The following CDYL variants were observed in gnomAD, a reference collection of about 807,000 sequenced individuals.
The protein encoded by CDYL is chromodomain Y like.
Under a neutral mutation model 47.3 loss-of-function variants are expected in CDYL, and 8 were observed. That is an observed-to-expected ratio of 0.17 (90% confidence interval 0.10 to 0.31). The LOEUF (loss-of-function observed/expected upper bound fraction) is 0.31, where lower values mean the gene tolerates loss of function less well. Ranked by LOEUF, CDYL falls within the 10% of genes least tolerant of loss-of-function variation. CDYL has a pLI of 1.00. For missense variants in CDYL, 471 were observed against 701.4 expected, an observed-to-expected ratio of 0.67 and a Z score of 3.71; for synonymous variants, 266 against 265.0, an observed-to-expected ratio of 1.00 and a Z score of -0.04.
intron 5 of CDYL, 41 bp downstream of exon 5, chr6:4,943,797 G>A (rs2127525003): frequency 1.9e-5 from 26 of 1,345,980 alleles, no homozygotes; most frequent in Non-Finnish European, 2.6e-5. Context: ...AGTCATTCTA[G>A]AAAGCTTCCT....
chr6:4,839,612 G>A (rs999316198), intron 1 of CDYL, among the ~76,000 whole-genome samples: 3 of 152,150 alleles, frequency 2.0e-5, no homozygotes, highest in African/African-American at 7.2e-5. Flanking sequence ...GAGAGATGAG[G>A]ATCCAGTTTC....
intron 3 of CDYL, among the ~76,000 whole-genome samples, chr6:4,745,540 G>A (rs1488715533): frequency 2.6e-5 from 4 of 151,710 alleles, no homozygotes; most frequent in South Asian, 4.2e-4. Context: ...TCAGGAATTC[G>A]AGACCAGCCT....
chr6:4,759,258 C>T (rs1262720879), intron 3 of CDYL, among the ~76,000 whole-genome samples: 7 of 152,058 alleles, frequency 4.6e-5, no homozygotes, highest in Non-Finnish European at 8.8e-5. Context: ...CGTGAGCCAC[C>T]GCGCCCGGCC....
At chr6:4,728,348 C>T (rs1757550402) in intron 2 of CDYL, among the ~76,000 whole-genome samples, 1 of 152,214 alleles carries the variant, frequency 6.6e-6, no homozygotes, top group Non-Finnish European at 1.5e-5. Flanking sequence ...CATTCCCAAG[C>T]CTCTATCCCC....
rs376044825 is a variant in CDYL, at chr6:4,717,418, A to C, written c.103+1537A>C. On this transcript the variant is annotated intron_variant, in intron 2 of 8. Transcript: ENST00000328908. ...GGCAAAATTGCATTTCAGTTTTTAA[A>C]ACAAAAGAGGGTCAGGCACGGTGGC... Among the ~76,000 whole-genome samples, 43 of 152,214 alleles carry C rather than the reference A, an allele frequency of 2.8e-4. No homozygotes were observed. In the South Asian group the frequency reaches 8.3e-3, roughly 29 times the overall value.
chr6:4,897,760 T>A (rs111549388), intron 2 of CDYL, among the ~76,000 whole-genome samples: 1 of 150,144 alleles, frequency 6.7e-6, no homozygotes. Flanking sequence ...TTCATAAAAA[T>A]AACTATTTTC....
chr6:4,832,653 A>G (rs1760181518), intron 1 of CDYL, among the ~76,000 whole-genome samples: 1 of 150,570 alleles, frequency 6.6e-6, no homozygotes, highest in Non-Finnish European at 1.5e-5. Flanking sequence ...AAGGAATGGT[A>G]CCAGTTCCTC....
intron 2 of CDYL, among the ~76,000 whole-genome samples, chr6:4,910,193 C>T (rs1380717479): frequency 1.3e-5 from 2 of 152,148 alleles, no homozygotes; most frequent in Non-Finnish European, 2.9e-5. Context: ...TTTACCTAAG[C>T]TAAGCTGCGG....
At chr6:4,844,332 C>G (rs942022523) in intron 1 of CDYL, among the ~76,000 whole-genome samples, 11 of 152,150 alleles carry the variant, frequency 7.2e-5, no homozygotes, top group African/African-American at 2.4e-4. Context: ...TAGGGAGGAT[C>G]AGGTGGTGTG....
intron 1 of CDYL, among the ~76,000 whole-genome samples, chr6:4,878,655 G>A (rs561019696): frequency 6.6e-6 from 1 of 152,104 alleles, no homozygotes; most frequent in East Asian, 1.9e-4. Flanking sequence ...GATATTGGTA[G>A]TGTGTGTTTT....
chr6:4,849,041 G>A (rs1044828103), intron 1 of CDYL, among the ~76,000 whole-genome samples: 1 of 152,192 alleles, frequency 6.6e-6, no homozygotes. Context: ...TTCTTGTAGA[G>A]CTGATACTTT....
chr6:4,764,869 A>G (rs1313612475), intron 3 of CDYL, among the ~76,000 whole-genome samples: 6 of 152,248 alleles, frequency 3.9e-5, no homozygotes, highest in African/African-American at 1.4e-4. Context: ...ACACATATAT[A>G]TAATAGAGAG....
At chr6:4,923,838 T>C (rs1254127865) in intron 2 of CDYL, among the ~76,000 whole-genome samples, 4 of 149,788 alleles carry the variant, frequency 2.7e-5, no homozygotes, top group African/African-American at 7.4e-5. Flanking sequence ...GAGGCGGAGC[T>C]TGCAGTGAGC....
chr6:4,902,723 T>A (rs1231063453), intron 2 of CDYL, among the ~76,000 whole-genome samples: 1 of 151,696 alleles, frequency 6.6e-6, no homozygotes, highest in Non-Finnish European at 1.5e-5. Flanking sequence ...TTTATGAGGA[T>A]CCCCTTGGAG....
chr6:4,880,168 C>G (rs898860079), intron 1 of CDYL, among the ~76,000 whole-genome samples: 1 of 152,088 alleles, frequency 6.6e-6, no homozygotes, highest in East Asian at 1.9e-4. Flanking sequence ...CCTAGAAATC[C>G]TTTGTGCTCT....
intron 2 of CDYL, 25 bp downstream of exon 2, chr6:4,892,404 G>A (rs934457187): frequency 6.4e-7 from 1 of 1,568,450 alleles, no homozygotes; most frequent in Non-Finnish European, 8.6e-7. Flanking sequence ...AGCTGCTCAG[G>A]CTCCGTGGTG....
chr6:4,799,880 T>C (rs1291960336), intron 1 of CDYL, among the ~76,000 whole-genome samples: 1 of 152,244 alleles, frequency 6.6e-6, no homozygotes, highest in Non-Finnish European at 1.5e-5. Context: ...ATTAGATGGA[T>C]GTATATTTAT....
At chr6:4,757,364 G>A (rs551559215) in intron 3 of CDYL, among the ~76,000 whole-genome samples, 1 of 152,290 alleles carries the variant, frequency 6.6e-6, no homozygotes, top group Non-Finnish European at 1.5e-5. Flanking sequence ...ACATGGTAGA[G>A]GACAGTAGCT....
chr6:4,846,654 A>G (rs935528888), intron 1 of CDYL, among the ~76,000 whole-genome samples: 5 of 152,180 alleles, frequency 3.3e-5, no homozygotes, highest in African/African-American at 7.2e-5. Context: ...TGTTCGCTGT[A>G]TGTGTGTCTT....
Sources: allele counts gnomAD v4.1 joint callset (sites outside exome capture counted in the v4.1 genomes callset), GRCh38; gene constraint gnomAD v4.1.1; transcripts MANE v1.5; gene names NCBI Gene and HGNC (gene_info 2026-07-23, HGNC 2026-07-21).